AK5: variants seen among roughly 807,000 people sequenced by gnomAD.
AK5 encodes adenylate kinase 5, also known as adenylate kinase isoenzyme 5.
In AK5, 27 loss-of-function variants were observed where a neutral mutation model predicts 69.5. That is an observed-to-expected ratio of 0.39 (90% CI 0.29 to 0.54). The LOEUF (loss-of-function observed/expected upper bound fraction) is 0.54. Among genes scored for constraint, AK5 ranks in the 20% least tolerant of loss-of-function variants. The pLI is 0.71. For missense variants in AK5, 531 were observed against 700.4 expected (o/e 0.76, Z 2.73); for synonymous variants, 260 against 244.4 (o/e 1.06, Z -0.60).
intron 8 of AK5, among the ~76,000 whole-genome samples, chr1:77,459,004 C>T (rs894262221): frequency 1.3e-5 from 2 of 152,154 alleles, no homozygotes; most frequent in African/African-American, 4.8e-5. Flanking sequence ...GCTGTTGGTT[C>T]CTCACTGCAC....
intron 8 of AK5, among the ~76,000 whole-genome samples, chr1:77,472,712 A>G (rs1654592732): frequency 8.8e-6 from 1 of 113,500 alleles, no homozygotes; most frequent in Non-Finnish European, 2.0e-5. Context: ...GTAAAATACC[A>G]TCTCTACTAA....
intron 8 of AK5, among the ~76,000 whole-genome samples, chr1:77,466,737 C>T (rs375491785): frequency 1.2e-4 from 19 of 152,198 alleles, no homozygotes; most frequent in South Asian, 4.1e-4. Flanking sequence ...CACAGAAGGG[C>T]GGCAGAGAAC....
At chr1:77,455,381 G>A (rs1361146270) in intron 8 of AK5, among the ~76,000 whole-genome samples, 1 of 152,176 alleles carries the variant, frequency 6.6e-6, no homozygotes, top group Non-Finnish European at 1.5e-5. Context: ...GCCCCAGCAA[G>A]CTGCCTTGCC....
chr1:77,345,920 TACTG>T (rs1661892964), intron 6 of AK5: 1 of 152,178 alleles, frequency 6.6e-6, no homozygotes, highest in African/African-American at 2.4e-5. Context: ...ACTAATAGCC[TACTG>T]TCAACCAGAG....
In AK5 at chr1:77,367,877, A is replaced by ATTATATATTATATGTTATATATATAT. The variant is rs369372295; in HGVS notation, c.891+27309_891+27310insTTATATATTATATGTTATATATATAT. On this transcript the variant is annotated intron_variant, in intron 6 of 13. Transcript: ENST00000354567. ...ATAATATATAATATATGTGATATAT[A>ATTATATATTATATGTTATATATATAT]ATATAAAATATATGTGATATATATT... Among the ~76,000 whole-genome samples the ATTATATATTATATGTTATATATATAT allele has an allele frequency of 2.1e-4, 3 of 14,208 alleles. 1 individual carries two copies. Among genetic ancestry groups the ATTATATATTATATGTTATATATATAT allele is most frequent in the East Asian group, 4.2e-3 (1 of 236 alleles). 9.3% of individuals were successfully genotyped at this position (14,208 alleles called of 152,430 possible). A position where few individuals can be genotyped will look rare whatever the true frequency, so the allele number is the denominator to read the frequency against.
chr1:77,514,265 A>G (rs1657515134), intron 10 of AK5, among the ~76,000 whole-genome samples: 2 of 152,128 alleles, frequency 1.3e-5, no homozygotes, highest in African/African-American at 2.4e-5. Context: ...GGGTAATGGT[A>G]CACTAAAAAT....
intron 8 of AK5, among the ~76,000 whole-genome samples, chr1:77,425,999 A>G (rs970358050): frequency 2.6e-5 from 4 of 152,212 alleles, no homozygotes; most frequent in Non-Finnish European, 5.9e-5. Flanking sequence ...CTCATAAAGG[A>G]GAGAAAAAGA....
chr1:77,540,506 G>C (rs746494164), intron 13 of AK5: 3 of 152,264 alleles, frequency 2.0e-5, no homozygotes, highest in Non-Finnish European at 4.4e-5. Context: ...CAACTGACTA[G>C]AATTAGCCTA....
intron 6 of AK5, among the ~76,000 whole-genome samples, chr1:77,384,540 A>G (rs1197171442): frequency 6.6e-6 from 1 of 152,206 alleles, no homozygotes; most frequent in Non-Finnish European, 1.5e-5. Flanking sequence ...ACATAAGTCG[A>G]TCAGATCAGA....
chr1:77,282,553 C>T, intron 1 of AK5, 180 bp downstream of exon 1: 1 of 1,372,356 alleles, frequency 7.3e-7, no homozygotes, highest in East Asian at 3.0e-5. Flanking sequence ...TGCCAGGGTC[C>T]TTGTCAGAAG....
chr1:77,501,686 C>G (rs1348534453), intron 10 of AK5, among the ~76,000 whole-genome samples: 1 of 152,182 alleles, frequency 6.6e-6, no homozygotes, highest in East Asian at 1.9e-4. Context: ...TCTCCTTTTA[C>G]TTTTTTCTTT....
chr1:77,337,578 CTA>C (rs1474792078), intron 5 of AK5, among the ~76,000 whole-genome samples: 1 of 152,014 alleles, frequency 6.6e-6, no homozygotes, highest in Non-Finnish European at 1.5e-5. Flanking sequence ...ATTATGTTAA[CTA>C]TGAATTTTAT....
chr1:77,529,536 G>A (rs928002175), intron 12 of AK5, among the ~76,000 whole-genome samples: 2 of 152,186 alleles, frequency 1.3e-5, no homozygotes, highest in Non-Finnish European at 2.9e-5. Flanking sequence ...TGTTGGTCAG[G>A]CTAGTCTTGA....
chr1:77,535,705 G>A lies in AK5; in HGVS notation c.1429-142G>A, dbSNP rs1308806525. The A allele has an allele frequency of 4.4e-6, 3 of 677,740 alleles. No homozygotes were observed. The African/African-American group carries it at 5.4e-5, about 12-fold the overall frequency. The allele number at this position is 677,740 out of a possible 1,614,324, so 42.0% of individuals were successfully genotyped here. A position where few individuals can be genotyped will look rare whatever the true frequency, so the allele number is the denominator to read the frequency against. On this transcript the variant is annotated intron_variant, in intron 12 of 13. Transcript: ENST00000354567. ...TGGAAGGGGGGAGCTATGGAGTCCA[G>A]TCCCAGCTGCACCATAGTGTAATGC...
intron 1 of AK5, among the ~76,000 whole-genome samples, chr1:77,286,408 A>G (rs28605112): frequency 0.098 from 14,710 of 149,910 alleles, 902 homozygotes; most frequent in East Asian, 0.2. Context: ...AGAATGCTGA[A>G]CTGAAAACTA....
chr1:77,358,817 G>GA (rs5775391), intron 6 of AK5, among the ~76,000 whole-genome samples: 137,477 of 147,664 alleles, frequency 0.93, 64,085 homozygotes, highest in Non-Finnish European at 0.95. Flanking sequence ...CCTATCCCCT[G>GA]AAAAAAAAAA....
chr1:77,384,834 CACT>C (rs1185051604), intron 6 of AK5, among the ~76,000 whole-genome samples: 1 of 152,066 alleles, frequency 6.6e-6, no homozygotes. Context: ...GTAATGATGA[CACT>C]ACTACTACTA....
At chr1:77,286,833 T>G in intron 1 of AK5, 108 bp from the exon 2 acceptor site, 1 of 676,886 alleles carries the variant, frequency 1.5e-6, no homozygotes, top group Non-Finnish European at 2.1e-6. Flanking sequence ...GGCAGCAGAG[T>G]GAGACTCTAT....
chr1:77,504,444 T>A (rs985970178), intron 10 of AK5, among the ~76,000 whole-genome samples: 6 of 151,776 alleles, frequency 4.0e-5, no homozygotes, highest in Middle Eastern at 3.4e-3. Flanking sequence ...TATATATATT[T>A]TTTTTAATAT....
Sources: allele counts gnomAD v4.1 joint callset (sites outside exome capture counted in the v4.1 genomes callset), GRCh38; gene constraint gnomAD v4.1.1; transcripts MANE v1.5; gene names NCBI Gene and HGNC (gene_info 2026-07-23, HGNC 2026-07-21).